Variants in TTC28 observed in about 807,000 individuals in gnomAD.
TTC28 encodes tetratricopeptide repeat domain 28, also known as tetratricopeptide repeat protein 28.
A neutral mutation model predicts 198.0 loss-of-function variants in TTC28; 61 were observed. That is an observed-to-expected ratio of 0.31 (90% CI 0.25 to 0.38). The LOEUF is 0.38. Ranked by LOEUF, TTC28 falls within the 10% of genes least tolerant of loss-of-function variation. The pLI, the probability that TTC28 is intolerant of heterozygous loss-of-function variation, is 1.00. For synonymous variants in TTC28, 1,171 were observed against 1,297.8 expected (o/e 0.90, Z 2.10); for missense variants, 2,678 against 3,164.0 (o/e 0.85, Z 3.69).
intron 12 of TTC28, among the ~76,000 whole-genome samples, chr22:28,085,073 G>T (rs1000592501): frequency 9.2e-5 from 14 of 151,958 alleles, no homozygotes; most frequent in Non-Finnish European, 5.9e-5. Flanking sequence ...TGGAACCAAG[G>T]TGGAAAACAC....
At chr22:28,622,729 A>T (rs1010857372) in intron 2 of TTC28, among the ~76,000 whole-genome samples, 8 of 152,228 alleles carry the variant, frequency 5.3e-5, no homozygotes, top group African/African-American at 1.9e-4. Flanking sequence ...TTAAATGTAA[A>T]GGCACAGACA....
intron 2 of TTC28, among the ~76,000 whole-genome samples, chr22:28,620,020 C>G (rs537052189): frequency 6.6e-6 from 1 of 152,174 alleles, no homozygotes; most frequent in Non-Finnish European, 1.5e-5. Context: ...CTTATTCCTG[C>G]TCTAATTGAA....
chr22:28,332,434 CTT>C (rs752982139), intron 2 of TTC28, among the ~76,000 whole-genome samples: 2 of 152,002 alleles, frequency 1.3e-5, no homozygotes, highest in African/African-American at 4.8e-5. Context: ...AAATCATTCT[CTT>C]AAGCTCACAG....
chr22:28,301,240 TATTAGCAAAGGGA>T (rs1418577398), intron 3 of TTC28, among the ~76,000 whole-genome samples: 1 of 152,220 alleles, frequency 6.6e-6, no homozygotes, highest in Non-Finnish European at 1.5e-5. Context: ...AAACTTGGGC[TATTAGCAAAGGGA>T]CTAATTTTGT....
intron 2 of TTC28, among the ~76,000 whole-genome samples, chr22:28,378,518 T>C (rs1444905005): frequency 6.6e-6 from 1 of 151,680 alleles, no homozygotes; most frequent in East Asian, 1.9e-4. Flanking sequence ...CCAGGCATGG[T>C]GGCATGAACC....
At chr22:28,673,260 G>A (rs1006663502) in intron 1 of TTC28, among the ~76,000 whole-genome samples, 2 of 152,110 alleles carry the variant, frequency 1.3e-5, no homozygotes, top group African/African-American at 4.8e-5. Context: ...TGTAGTCCCA[G>A]CTACTTGGGA....
intron 13 of TTC28, among the ~76,000 whole-genome samples, chr22:28,021,811 G>A (rs978112328): frequency 2.0e-5 from 3 of 152,122 alleles, no homozygotes; most frequent in African/African-American, 7.2e-5. Context: ...TATAGGGCCA[G>A]GAATGCTCAC....
chr22:28,006,097 G>A (rs906858853), intron 14 of TTC28, among the ~76,000 whole-genome samples: 17 of 152,200 alleles, frequency 1.1e-4, no homozygotes, highest in Non-Finnish European at 2.4e-4. Context: ...GGGTCTGAGG[G>A]GAGGCCCTGT....
intron 2 of TTC28, among the ~76,000 whole-genome samples, chr22:28,530,502 A>G (rs1299306661): frequency 6.6e-6 from 1 of 152,228 alleles, no homozygotes; most frequent in Non-Finnish European, 1.5e-5. Flanking sequence ...ATTATCCAGG[A>G]GAACTTCCCC....
chr22:28,570,417 TGGAGCTGGAGGCCA>T (rs2050041957), intron 2 of TTC28, among the ~76,000 whole-genome samples: 3 of 152,158 alleles, frequency 2.0e-5, no homozygotes, highest in Non-Finnish European at 2.9e-5. Flanking sequence ...GCAACATGGA[TGGAGCTGGAGGCCA>T]TCATTCTAAG....
intron 3 of TTC28, among the ~76,000 whole-genome samples, chr22:28,303,488 A>G (rs2045069309): frequency 6.6e-6 from 1 of 152,236 alleles, no homozygotes; most frequent in African/African-American, 2.4e-5. Flanking sequence ...GTGAAACTAA[A>G]AAAATAAAGT....
intron 12 of TTC28, among the ~76,000 whole-genome samples, chr22:28,089,719 G>A (rs937344979): frequency 1.3e-5 from 2 of 148,252 alleles, no homozygotes; most frequent in African/African-American, 2.5e-5. Flanking sequence ...AAAAATAAAG[G>A]TTTTCAAATG....
intron 2 of TTC28, among the ~76,000 whole-genome samples, chr22:28,593,457 ATAGGTAGGTAGCTAGGTAGGTAGG>A (rs879877136): frequency 4.0e-4 from 58 of 145,822 alleles, no homozygotes; most frequent in Middle Eastern, 6.9e-3. Context: ...AGATAGGTAG[ATAGGTAGGTAGCTAGGTAGGTAGG>A]TAGGTAGGTA....
Position 27,981,218 on chromosome 22 carries a change from T to C in TTC28, c.*1003A>G, listed in dbSNP as rs1936999946. ...AAGGCGGGATTCTGGTTAAATCTAG[T>C]TAGCCATGGAAATTTTTTTTTTTTT... On this transcript the variant is annotated 3_prime_UTR_variant, in exon 23 of 23. Coordinates refer to ENST00000397906, the MANE Select transcript of TTC28 (RefSeq NM_001145418.2). The C allele has an allele frequency of 6.9e-6, 1 of 144,124 alleles. No homozygotes were observed. The highest frequency in any genetic ancestry group is 2.6e-5 in the African/African-American group (1 of 39,118). The allele number at this position is 144,124 out of a possible 1,614,324, so 8.9% of individuals were successfully genotyped here.
chr22:28,229,016 C>T (rs961896820), intron 5 of TTC28, among the ~76,000 whole-genome samples: 5 of 151,862 alleles, frequency 3.3e-5, no homozygotes, highest in Non-Finnish European at 7.4e-5. Context: ...ATTAGCCGGG[C>T]ATGGTGGCAC....
chr22:28,387,047 C>A (rs9613605), intron 2 of TTC28, among the ~76,000 whole-genome samples: 19 of 151,692 alleles, frequency 1.3e-4, no homozygotes, highest in Non-Finnish European at 2.5e-4. Flanking sequence ...CCTGTGTCCA[C>A]GTGTTCTCAT....
rs929787085 is a variant in TTC28, at chr22:28,085,607, C to G, written c.3932+8473G>C. ...GCTAGGAAGAAACTGCATCAACTAA[C>G]CAGCAAAATAACCAGCTAACATCAT... On this transcript the variant is annotated intron_variant, in intron 12 of 22. Transcript: ENST00000397906. Among the ~76,000 whole-genome samples, 14 of 152,190 alleles carry G rather than the reference C, an allele frequency of 9.2e-5. No homozygotes were observed. In the South Asian group the frequency reaches 2.3e-3, roughly 25 times the overall value.
At chr22:28,269,373 C>G (rs1270210473) in intron 5 of TTC28, among the ~76,000 whole-genome samples, 1 of 151,978 alleles carries the variant, frequency 6.6e-6, no homozygotes, top group African/African-American at 2.4e-5. Context: ...TTTCTGCTTT[C>G]AAGTTGTTGT....
At chr22:28,622,925 G>T (rs190373727) in intron 2 of TTC28, among the ~76,000 whole-genome samples, 18 of 151,990 alleles carry the variant, frequency 1.2e-4, no homozygotes, top group Non-Finnish European at 2.1e-4. Flanking sequence ...GGGTTCAAGC[G>T]ATTCTCCTGC....
Sources: gnomAD v4.1 joint callset for allele counts (sites outside exome capture counted in the v4.1 genomes callset) on GRCh38, gnomAD v4.1.1 for gene constraint, MANE v1.5 for transcripts, NCBI Gene and HGNC (gene_info 2026-07-23, HGNC 2026-07-21) for gene names.